Variants in CACNA1A observed in about 807,000 individuals in gnomAD.
CACNA1A encodes voltage-dependent P/Q-type calcium channel subunit alpha-1A.
CACNA1A carries 57 observed loss-of-function variants against 262.4 expected under a neutral mutation model. The observed-to-expected ratio is 0.22, with a 90% CI of 0.18 to 0.27. CACNA1A has a LOEUF of 0.27. Among genes scored for constraint, CACNA1A ranks in the 10% least tolerant of loss-of-function variants. The pLI, the probability that CACNA1A is intolerant of heterozygous loss-of-function variation, is 1.00. For synonymous variants in CACNA1A, 1,431 were observed against 1,419.3 expected (o/e 1.01, Z -0.18); for missense variants, 2,526 against 3,562.8 (o/e 0.71, Z 7.41).
intron 19 of CACNA1A, among the ~76,000 whole-genome samples, chr19:13,294,545 T>G (rs897777865): frequency 7.0e-6 from 1 of 142,162 alleles, no homozygotes; most frequent in Non-Finnish European, 1.5e-5. Flanking sequence ...CAGGCTGGAG[T>G]GCAGTGGTGT....
intron 3 of CACNA1A, among the ~76,000 whole-genome samples, chr19:13,401,190 A>G (rs747682134): frequency 3.9e-5 from 6 of 152,186 alleles, no homozygotes; most frequent in Non-Finnish European, 7.3e-5. Flanking sequence ...GATTATGCCA[A>G]TTTTAGGGTC....
Position 13,365,284 on chromosome 19 carries a change from A to T in CACNA1A, c.784+33T>A. ...CAAGAGCTTGTCCCTGAAGGAGAAA[A>T]CTGGAAAGATGCATCATGCTCCGTG... On this transcript the variant is annotated intron_variant, in intron 5 of 46. Transcript: ENST00000360228. 1.9e-6 allele frequency: 3 copies of T among 1,582,112 alleles called. No homozygotes were observed. In the South Asian group the frequency reaches 3.4e-5, roughly 18 times the overall value.
chr19:13,430,722 G>A (rs912526165), intron 3 of CACNA1A, among the ~76,000 whole-genome samples: 1 of 152,186 alleles, frequency 6.6e-6, no homozygotes, highest in Non-Finnish European at 1.5e-5. Context: ...CATGGAGCTG[G>A]CATTCTAGTG....
At chr19:13,269,602 G>A (rs1052655844) in intron 24 of CACNA1A, among the ~76,000 whole-genome samples, 5 of 152,180 alleles carry the variant, frequency 3.3e-5, no homozygotes, top group South Asian at 2.1e-4. Flanking sequence ...AAGAACAGCC[G>A]CGCCAGATGG....
chr19:13,293,237 G>A (rs2057584379), intron 19 of CACNA1A, among the ~76,000 whole-genome samples: 1 of 151,866 alleles, frequency 6.6e-6, no homozygotes, highest in Non-Finnish European at 1.5e-5. Flanking sequence ...AGCTAACATG[G>A]CCAGGCATGG....
At chr19:13,435,206 T>C (rs7249153) in intron 3 of CACNA1A, among the ~76,000 whole-genome samples, 57,135 of 151,406 alleles carry the variant, frequency 0.38, 14,500 homozygotes, top group African/African-American at 0.71. Flanking sequence ...CTCTGCCTCC[T>C]GGGTTCAAGC....
At chr19:13,319,510 G>A (rs1502017) in intron 10 of CACNA1A, among the ~76,000 whole-genome samples, 17,974 of 151,890 alleles carry the variant, frequency 0.12, 1,270 homozygotes, top group East Asian at 0.27. Flanking sequence ...CATCCAGCAC[G>A]TTTATCAAAA....
chr19:13,454,097 G>T (rs184540647), intron 2 of CACNA1A, among the ~76,000 whole-genome samples: 2 of 151,876 alleles, frequency 1.3e-5, no homozygotes, highest in Admixed American at 1.3e-4. Flanking sequence ...GTAGCTTCAG[G>T]ATGGGGGTTG....
In CACNA1A at chr19:13,224,784, C is replaced by A. The variant is rs577122777; in HGVS notation, c.5626-12G>T. 3 of 1,591,272 alleles carry A rather than the reference C, an allele frequency of 1.9e-6. No individual in the cohort carries two copies. Among genetic ancestry groups the A allele is most frequent in the East Asian group, 2.3e-5 (1 of 43,962 alleles). On this transcript the variant is annotated splice_polypyrimidine_tract_variant and intron_variant, in intron 37 of 46. Coordinates refer to ENST00000360228, the MANE Select transcript of CACNA1A (RefSeq NM_001127222.2). Reference sequence around the variant, plus strand: ...ATCCGCAGAAGCCGCTACAGAAAACCCAAGGCAAGCGCAGTCATTCCCAGG... The same window carrying A: ...ATCCGCAGAAGCCGCTACAGAAAACACAAGGCAAGCGCAGTCATTCCCAGG...
chr19:13,358,958 T>C (rs1341958366), intron 6 of CACNA1A, among the ~76,000 whole-genome samples: 1 of 152,194 alleles, frequency 6.6e-6, no homozygotes, highest in Non-Finnish European at 1.5e-5. Flanking sequence ...TCCACACATA[T>C]GTGTGGGCAT....
intron 3 of CACNA1A, among the ~76,000 whole-genome samples, chr19:13,424,735 A>C (rs1455112748): frequency 1.3e-5 from 2 of 152,068 alleles, no homozygotes; most frequent in African/African-American, 4.8e-5. Flanking sequence ...TTAGCCTCTC[A>C]AAGTGCTGAG....
intron 6 of CACNA1A, among the ~76,000 whole-genome samples, chr19:13,349,832 TG>T (rs2058874110): frequency 1.3e-5 from 2 of 152,154 alleles, no homozygotes; most frequent in Admixed American, 1.3e-4. Context: ...CCCAGGCTGA[TG>T]CCTAGGGAAG....
chr19:13,280,279 G>A (rs919653313), intron 22 of CACNA1A, among the ~76,000 whole-genome samples: 2 of 151,738 alleles, frequency 1.3e-5, no homozygotes, highest in Non-Finnish European at 2.9e-5. Context: ...AGACCCAAGT[G>A]ATCCTCCCAC....
chr19:13,498,039 T>C (rs1981899140), intron 1 of CACNA1A, among the ~76,000 whole-genome samples: 1 of 151,972 alleles, frequency 6.6e-6, no homozygotes, highest in Non-Finnish European at 1.5e-5. Flanking sequence ...AACAGACACA[T>C]TCCTATGCAG....
intron 3 of CACNA1A, among the ~76,000 whole-genome samples, chr19:13,394,338 T>G (rs2059772953): frequency 2.0e-5 from 3 of 152,090 alleles, no homozygotes; most frequent in Admixed American, 2.0e-4. Flanking sequence ...AGGACAAGGA[T>G]TTCTCAAAGT....
In CACNA1A at chr19:13,212,827, T is replaced by TAAACAC; in HGVS notation, c.5941-88_5941-87insGTGTTT. ...AGAAGGCATTGCGACATCCCCAGTA[T>TAAACAC]ACACACACACACACACACACACTCT... On this transcript the variant is annotated intron_variant, in intron 40 of 46. Coordinates refer to ENST00000360228, the MANE Select transcript of CACNA1A (RefSeq NM_001127222.2). The surrounding 1 kb of genome is among the most constrained non-coding windows in gnomAD (Gnocchi z 5.6). The TAAACAC allele has an allele frequency of 1.9e-6, 1 of 517,668 alleles. No homozygotes were observed. The allele number at this position is 517,668 out of a possible 1,614,324, so 32.1% of individuals were successfully genotyped here.
Position 13,372,975 on chromosome 19 carries a change from C to G in CACNA1A, c.540-1196G>C, listed in dbSNP as rs531238679. 1.1e-4 allele frequency among the ~76,000 whole-genome samples: 17 copies of G among 152,254 alleles called. 1 individual carries two copies. In the South Asian group the frequency reaches 1.5e-3, roughly 13 times the overall value. On this transcript the variant is annotated intron_variant, in intron 3 of 46. Transcript: ENST00000360228. ...AGTATTGCTGTTGAAACACAGGGTC[C>G]CACCTGGCCCTGTTTCCTGAACATG...
At chr19:13,387,788 G>A (rs1040372192) in intron 3 of CACNA1A, among the ~76,000 whole-genome samples, 1 of 152,296 alleles carries the variant, frequency 6.6e-6, no homozygotes, top group South Asian at 2.1e-4. Context: ...GAGCCCAAGA[G>A]TTTGAGGCTG....
At chr19:13,384,774 C>G (rs1392232148) in intron 3 of CACNA1A, among the ~76,000 whole-genome samples, 1 of 152,142 alleles carries the variant, frequency 6.6e-6, no homozygotes, top group Non-Finnish European at 1.5e-5. Context: ...GGAGAGGTCA[C>G]TGGTCTCCAG....
Sources: allele counts gnomAD v4.1 joint callset (sites outside exome capture counted in the v4.1 genomes callset), GRCh38; gene constraint gnomAD v4.1.1; non-coding constraint Gnocchi (gnomAD v3.1); transcripts MANE v1.5; gene names NCBI Gene and HGNC (gene_info 2026-07-23, HGNC 2026-07-21).